The following GRIP1 variants were observed in gnomAD, a reference collection of about 807,000 sequenced individuals.
GRIP1 encodes glutamate receptor interacting protein 1, also known as glutamate receptor-interacting protein 1.
In GRIP1, 45 loss-of-function variants were observed where a neutral mutation model predicts 129.9. That is an observed-to-expected ratio of 0.35 (90% CI 0.27 to 0.44). The LOEUF is 0.44. Among genes scored for constraint, GRIP1 ranks in the 20% least tolerant of loss-of-function variants. The pLI is 1.00. For synonymous variants in GRIP1, 530 were observed against 520.8 expected, an observed-to-expected ratio of 1.02 and a Z score of -0.24; for missense variants, 1,196 against 1,396.8, an observed-to-expected ratio of 0.86 and a Z score of 2.29.
chr12:66,692,474 C>T (rs1282921231), intron 1 of GRIP1, among the ~76,000 whole-genome samples: 1 of 152,028 alleles, frequency 6.6e-6, no homozygotes, highest in Admixed American at 6.6e-5. Context: ...AAAGACAAGG[C>T]CATCTATCAC....
intron 15 of GRIP1, among the ~76,000 whole-genome samples, chr12:66,410,372 C>T (rs1350882862): frequency 6.6e-6 from 1 of 151,156 alleles, no homozygotes; most frequent in Non-Finnish European, 1.5e-5. Flanking sequence ...TGGCTCACGC[C>T]TATAATCCCA....
At chr12:66,660,907 A>G (rs1422471169) in intron 1 of GRIP1, among the ~76,000 whole-genome samples, 2 of 152,054 alleles carry the variant, frequency 1.3e-5, no homozygotes, top group Non-Finnish European at 2.9e-5. Context: ...ATTTATGTAT[A>G]CATGTATACA....
intron 1 of GRIP1, among the ~76,000 whole-genome samples, chr12:66,633,629 T>C (rs1466253915): frequency 6.6e-6 from 1 of 152,200 alleles, no homozygotes; most frequent in Non-Finnish European, 1.5e-5. Flanking sequence ...TGCCACTATC[T>C]GCATTTTACA....
At chr12:66,722,010 C>T (rs541345118) in intron 1 of GRIP1, among the ~76,000 whole-genome samples, 6 of 152,132 alleles carry the variant, frequency 3.9e-5, no homozygotes, top group African/African-American at 7.2e-5. Flanking sequence ...GGGAATGTTG[C>T]GGCTGGTTTG....
intron 1 of GRIP1, among the ~76,000 whole-genome samples, chr12:67,062,377 A>G (rs551047162): frequency 6.6e-6 from 1 of 152,240 alleles, no homozygotes; most frequent in East Asian, 1.9e-4. Flanking sequence ...GGTTCCCAGA[A>G]TGTCTCATTT....
intron 1 of GRIP1, among the ~76,000 whole-genome samples, chr12:66,821,443 T>C (rs1490897861): frequency 2.0e-5 from 3 of 152,144 alleles, no homozygotes; most frequent in African/African-American, 7.2e-5. Context: ...CTGACATGCA[T>C]AATCGTGGTT....
chr12:66,712,242 A>G (rs2035735521), intron 1 of GRIP1, among the ~76,000 whole-genome samples: 1 of 151,964 alleles, frequency 6.6e-6, no homozygotes, highest in South Asian at 2.1e-4. Flanking sequence ...ATCATTATAC[A>G]AAAGTATGGT....
intron 1 of GRIP1, among the ~76,000 whole-genome samples, chr12:66,820,474 T>C (rs1592876206): frequency 1.3e-5 from 2 of 152,172 alleles, no homozygotes; most frequent in South Asian, 4.1e-4. Flanking sequence ...TATTCTCTCT[T>C]AGTATTCAGT....
intron 1 of GRIP1, among the ~76,000 whole-genome samples, chr12:66,771,622 A>G (rs923779789): frequency 6.6e-6 from 1 of 152,224 alleles, no homozygotes; most frequent in Admixed American, 6.5e-5. Context: ...CCCAGGAATG[A>G]GTCAGTTCTT....
intron 6 of GRIP1, 49 bp from the exon 7 acceptor site, chr12:66,515,813 C>A: frequency 2.0e-6 from 3 of 1,526,052 alleles, no homozygotes; most frequent in Non-Finnish European, 2.7e-6. Context: ...CATAATGGGG[C>A]TTAGTATTAA....
At chr12:66,381,085 G>T (rs2056087319) in intron 19 of GRIP1, among the ~76,000 whole-genome samples, 1 of 152,070 alleles carries the variant, frequency 6.6e-6, no homozygotes, top group African/African-American at 2.4e-5. Context: ...AGCAGAGCAG[G>T]ATATCTGAAG....
intron 1 of GRIP1, among the ~76,000 whole-genome samples, chr12:66,620,117 G>A (rs962112687): frequency 6.6e-6 from 1 of 152,182 alleles, no homozygotes; most frequent in Non-Finnish European, 1.5e-5. Flanking sequence ...GAAAGTAGTG[G>A]AGCAGAGATT....
At chr12:66,551,756 TG>T (rs2062145299) in intron 2 of GRIP1, among the ~76,000 whole-genome samples, 1 of 151,854 alleles carries the variant, frequency 6.6e-6, no homozygotes, top group African/African-American at 2.4e-5. Flanking sequence ...TTGTTGTTGT[TG>T]TTGTTGTACA....
chr12:66,552,892 A>G (rs1175951274), intron 2 of GRIP1, among the ~76,000 whole-genome samples: 1 of 152,172 alleles, frequency 6.6e-6, no homozygotes, highest in Admixed American at 6.5e-5. Flanking sequence ...GGGGAGCCCT[A>G]TGGACTTTCC....
At chr12:66,634,374 A>G (rs191583288) in intron 1 of GRIP1, among the ~76,000 whole-genome samples, 191 of 152,296 alleles carry the variant, frequency 1.3e-3, no homozygotes, top group Non-Finnish European at 2.1e-3. Flanking sequence ...TTAGTGCTTT[A>G]CTTTTTGCAG....
In GRIP1 at chr12:66,601,045, G is replaced by C. The variant is rs571535585; in HGVS notation, c.56-4118C>G. Among the ~76,000 whole-genome samples the C allele has an allele frequency of 2.0e-5, 3 of 152,248 alleles. No homozygotes were observed. The East Asian group carries it at 5.8e-4, about 29-fold the overall frequency. On this transcript the variant is annotated intron_variant, in intron 1 of 24. Transcript: ENST00000359742. ...TTAGAGTGACATCTCATGAGGCTAGGGAAAAATGCCCTCCATTAACAGGGA... is the reference window on the plus strand; with the variant it reads ...TTAGAGTGACATCTCATGAGGCTAGCGAAAAATGCCCTCCATTAACAGGGA...
At chr12:66,797,300 G>A (rs1319624257) in intron 1 of GRIP1, among the ~76,000 whole-genome samples, 1 of 152,150 alleles carries the variant, frequency 6.6e-6, no homozygotes, top group Non-Finnish European at 1.5e-5. Context: ...ATGCTGCTAA[G>A]CGGAACGTCA....
chr12:66,736,789 C>T (rs1016635169), intron 1 of GRIP1, among the ~76,000 whole-genome samples: 6 of 152,072 alleles, frequency 3.9e-5, no homozygotes, highest in African/African-American at 1.4e-4. Context: ...AAGAATTTCA[C>T]TAGGTAGATA....
At chr12:66,644,331 A>G (rs374594083) in intron 1 of GRIP1, among the ~76,000 whole-genome samples, 2 of 151,974 alleles carry the variant, frequency 1.3e-5, no homozygotes, top group East Asian at 3.8e-4. Flanking sequence ...TTTTGTGAAG[A>G]ACTGCCAAGA....
Sources: gnomAD v4.1 joint callset for allele counts (sites outside exome capture counted in the v4.1 genomes callset) on GRCh38, gnomAD v4.1.1 for gene constraint, MANE v1.5 for transcripts, NCBI Gene and HGNC (gene_info 2026-07-23, HGNC 2026-07-21) for gene names.